XRRA1: variants seen among roughly 807,000 people sequenced by gnomAD.
The protein encoded by XRRA1 is X-ray radiation resistance-associated protein 1.
Under a neutral mutation model 80.2 loss-of-function variants are expected in XRRA1, and 69 were observed. That is an observed-to-expected ratio of 0.86 (90% CI 0.71 to 1.05). The LOEUF is 1.05. Ranked by LOEUF, XRRA1 falls within the 50% of genes least tolerant of loss-of-function variation. The pLI is 0.00. For missense variants in XRRA1, 967 were observed against 976.4 expected (o/e 0.99, Z 0.13); for synonymous variants, 348 against 389.9 (o/e 0.89, Z 1.27).
chr11:74,935,128 G>A (rs536628498), intron 4 of XRRA1, among the ~76,000 whole-genome samples: 40 of 152,328 alleles, frequency 2.6e-4, no homozygotes, highest in African/African-American at 9.6e-4. Context: ...TGAGATACTG[G>A]CTGCTTGGAG....
At position 74,852,097 on chromosome 11, in the gene XRRA1, GGA is replaced by G; in HGVS notation, c.1171-17_1171-16del. ...TCTTTTGCGATCTGTAATGAATGCA[GGA>G]GAGACTCTCAGGTTGACACCACCCC... On this transcript the variant is annotated splice_polypyrimidine_tract_variant and intron_variant, in intron 12 of 18. Transcript: ENST00000684022. The G allele has an allele frequency of 1.2e-6, 2 of 1,608,392 alleles. No individual in the cohort carries two copies. The highest frequency in any genetic ancestry group is 1.1e-5 in the South Asian group (1 of 90,978).
intron 10 of XRRA1, among the ~76,000 whole-genome samples, chr11:74,891,670 A>C (rs2137316732): frequency 6.6e-6 from 1 of 152,346 alleles, no homozygotes; most frequent in South Asian, 2.1e-4. Context: ...GTCTCAGCCC[A>C]AAATCTCCTT....
intron 16 of XRRA1, 54 bp from the exon 17 acceptor site, chr11:74,844,337 T>G: frequency 7.5e-7 from 1 of 1,327,996 alleles, no homozygotes; most frequent in Non-Finnish European, 1.1e-6. Flanking sequence ...TCCTCCCAGA[T>G]GCCTCCCCTG....
At chr11:74,910,322 G>GT (rs1357030307) in intron 8 of XRRA1, among the ~76,000 whole-genome samples, 1 of 152,166 alleles carries the variant, frequency 6.6e-6, no homozygotes. Flanking sequence ...AAGAAAGGAG[G>GT]TAACAATTCA....
intron 3 of XRRA1, among the ~76,000 whole-genome samples, chr11:74,937,979 C>T (rs1379131082): frequency 6.6e-6 from 1 of 152,166 alleles, no homozygotes; most frequent in Non-Finnish European, 1.5e-5. Flanking sequence ...TCATCCATTC[C>T]TATCTTTTCT....
chr11:74,864,321 G>A (rs2042929492), intron 10 of XRRA1, among the ~76,000 whole-genome samples: 1 of 152,198 alleles, frequency 6.6e-6, no homozygotes. Flanking sequence ...GGAAGACTGA[G>A]TGGAGAGACT....
intron 10 of XRRA1, among the ~76,000 whole-genome samples, chr11:74,894,772 A>G (rs999074204): frequency 6.6e-6 from 1 of 152,220 alleles, no homozygotes. Context: ...AACCCAAAAT[A>G]AAAGATTAAA....
chr11:74,903,740 T>C (rs2054024387), intron 10 of XRRA1, among the ~76,000 whole-genome samples: 1 of 152,074 alleles, frequency 6.6e-6, no homozygotes, highest in Non-Finnish European at 1.5e-5. Context: ...TAGATGGACA[T>C]ATGGCAAGAA....
chr11:74,870,110 G>A (rs982807517), intron 10 of XRRA1, among the ~76,000 whole-genome samples: 6 of 152,210 alleles, frequency 3.9e-5, no homozygotes, highest in Middle Eastern at 3.4e-3. Flanking sequence ...AAAAACATTC[G>A]GTGTCTGATG....
chr11:74,883,489 G>A (rs920121712), intron 10 of XRRA1, among the ~76,000 whole-genome samples: 2 of 151,974 alleles, frequency 1.3e-5, no homozygotes, highest in Non-Finnish European at 1.5e-5. Flanking sequence ...GCTCACGCTG[G>A]GAGCTGTAGA....
chr11:74,905,574 C>T (rs775550069), intron 10 of XRRA1, among the ~76,000 whole-genome samples: 26 of 152,290 alleles, frequency 1.7e-4, no homozygotes, highest in Non-Finnish European at 2.9e-4. Flanking sequence ...ACTGCTTGTG[C>T]TTCCTGTGAA....
chr11:74,853,233 G>A (rs2040320162), intron 12 of XRRA1, among the ~76,000 whole-genome samples: 1 of 152,218 alleles, frequency 6.6e-6, no homozygotes, highest in Admixed American at 6.5e-5. Flanking sequence ...AGTCAGAGAG[G>A]TAAAAGGTGT....
At chr11:74,940,312 A>G (rs1946059024) in intron 3 of XRRA1, among the ~76,000 whole-genome samples, 1 of 152,222 alleles carries the variant, frequency 6.6e-6, no homozygotes, top group Non-Finnish European at 1.5e-5. Flanking sequence ...TAAGAAATAC[A>G]GACAGGAAGA....
At chr11:74,863,500 A>C (rs1315328389) in intron 10 of XRRA1, 1 of 160,212 alleles carries the variant, frequency 6.2e-6, no homozygotes, top group African/African-American at 2.4e-5. Flanking sequence ...TATTAGTAGA[A>C]ACAGAATGTG....
intron 9 of XRRA1, 122 bp from the exon 10 acceptor site, chr11:74,906,578 T>C (rs1273526407): frequency 4.5e-6 from 5 of 1,108,734 alleles, no homozygotes; most frequent in Admixed American, 2.6e-5. Flanking sequence ...TTGTGTGACG[T>C]TGAGCCGGTG....
intron 10 of XRRA1, among the ~76,000 whole-genome samples, chr11:74,870,191 A>T (rs1352682141): frequency 6.6e-6 from 1 of 152,200 alleles, no homozygotes; most frequent in African/African-American, 2.4e-5. Flanking sequence ...GGGAGAACTT[A>T]GTGAATCCCT....
intron 10 of XRRA1, among the ~76,000 whole-genome samples, chr11:74,880,213 A>T (rs189456064): frequency 0.023 from 3,452 of 152,270 alleles, 147 homozygotes; most frequent in African/African-American, 0.079. Flanking sequence ...TGTGTCCAGG[A>T]ATTTATCCAT....
At chr11:74,919,088 C>T (rs1427269629) in intron 8 of XRRA1, 1 of 152,300 alleles carries the variant, frequency 6.6e-6, no homozygotes, top group Non-Finnish European at 1.5e-5. Context: ...GCTCTTCCAT[C>T]CCTTCTAACA....
intron 4 of XRRA1, 139 bp downstream of exon 4, chr11:74,936,745 G>A (rs753784186): frequency 4.5e-5 from 50 of 1,101,524 alleles, no homozygotes; most frequent in Non-Finnish European, 6.3e-5. Context: ...CATTATCCTG[G>A]CTGTACTCAA....
Sources: allele counts gnomAD v4.1 joint callset (sites outside exome capture counted in the v4.1 genomes callset), GRCh38; gene constraint gnomAD v4.1.1; transcripts MANE v1.5; gene names NCBI Gene and HGNC (gene_info 2026-07-23, HGNC 2026-07-21).